The following DNASE1L1 variants were observed in gnomAD, a reference collection of about 807,000 sequenced individuals.
DNASE1L1 encodes the protein deoxyribonuclease 1 like 1.
Under a neutral mutation model 18.6 loss-of-function variants are expected in DNASE1L1, and 8 were observed. The observed-to-expected ratio is 0.43, with a 90% CI of 0.25 to 0.78. DNASE1L1 has a LOEUF of 0.78. Among genes scored for constraint, DNASE1L1 ranks in the 30% least tolerant of loss-of-function variants. The pLI is 0.23. For missense variants in DNASE1L1, 214 were observed against 258.2 expected, an observed-to-expected ratio of 0.83 and a Z score of 1.17; for synonymous variants, 114 against 114.2, an observed-to-expected ratio of 1.00 and a Z score of 0.01.
chrX:154,406,101 A>G (rs1264945570), intron 1 of DNASE1L1, among the ~76,000 whole-genome samples: 2 of 106,703 alleles, frequency 1.9e-5, no homozygotes, highest in Non-Finnish European at 3.9e-5. Context: ...CCTCCCGAGT[A>G]GCTGGGACTA....
At chrX:154,404,252 A>AC (rs1264259780) in intron 4 of DNASE1L1, among the ~76,000 whole-genome samples, 1 of 104,535 alleles carries the variant, frequency 9.6e-6, no homozygotes, top group Non-Finnish European at 1.9e-5. Context: ...TCTTGGGTTC[A>AC]AGTGATCCTG....
intron 5 of DNASE1L1, 50 bp downstream of exon 5, chrX:154,403,472 C>T (rs199858621): frequency 1.1e-4 from 126 of 1,194,052 alleles, no homozygotes; most frequent in Non-Finnish European, 1.3e-4. Context: ...TGGAGCCAGC[C>T]AGAACTCCCC....
chrX:154,402,917 C>T, intron 7 of DNASE1L1, 25 bp downstream of exon 7: 2 of 1,206,689 alleles, frequency 1.7e-6, no homozygotes, highest in Non-Finnish European at 2.2e-6. Flanking sequence ...TGCCCTCCCT[C>T]CTCATGCCAG....
chrX:154,410,413 T>TGTG (rs1273806850), upstream of DNASE1L1, among the ~76,000 whole-genome samples: 1 of 101,890 alleles, frequency 9.8e-6, no homozygotes, highest in African/African-American at 3.6e-5. Flanking sequence ...ATTAGCCAGG[T>TGTG]GTGGTGGCTT....
intron 1 of DNASE1L1, 86 bp downstream of exon 1, chrX:154,409,026 C>A: frequency 3.3e-6 from 1 of 301,674 alleles, no homozygotes; most frequent in African/African-American, 2.7e-5. Flanking sequence ...TTGGTGGGAG[C>A]CCTAGGCTTC....
upstream of DNASE1L1, chrX:154,411,833 G>A: frequency 3.4e-6 from 4 of 1,177,864 alleles, no homozygotes; most frequent in Non-Finnish European, 4.5e-6. Flanking sequence ...CCGGCCGCGG[G>A]CCGGGTGGGG....
intron 1 of DNASE1L1, among the ~76,000 whole-genome samples, chrX:154,407,925 C>T (rs1188226815): frequency 9.6e-6 from 1 of 104,671 alleles, no homozygotes. Flanking sequence ...GCTGCCACAC[C>T]AAGCTAATTT....
At chrX:154,406,886 G>A (rs2068165361) in intron 1 of DNASE1L1, among the ~76,000 whole-genome samples, 1 of 110,453 alleles carries the variant, frequency 9.1e-6, no homozygotes, top group Non-Finnish European at 1.9e-5. Context: ...GAGCCAGAGC[G>A]CCCAGCCCCT....
rs782325545 is a variant in DNASE1L1, at chrX:154,403,517, C to A, written c.412+5G>T. 2.7e-5 allele frequency: 33 copies of A among 1,208,581 alleles called. No homozygotes were observed. Among genetic ancestry groups the A allele is most frequent in the Non-Finnish European group, 3.6e-5 (32 of 893,481 alleles). On this transcript the variant is annotated splice_donor_5th_base_variant and intron_variant, in intron 5 of 7. Transcript: ENST00000369807. ...CACATACCAAGCCCACCCTTCCCTT[C>A]CTACCATTGCTGGGCAAAGAGAACT...
In DNASE1L1 at chrX:154,401,943, G is replaced by A. The variant is rs1242697210; in HGVS notation, c.*764C>T. The A allele has an allele frequency of 9.0e-6, 1 of 111,484 alleles. No homozygotes were observed. 9.2% of individuals were successfully genotyped at this position (111,484 alleles called of 1,213,427 possible). A position where few individuals can be genotyped will look rare whatever the true frequency, so the allele number is the denominator to read the frequency against. On this transcript the variant is annotated 3_prime_UTR_variant, in exon 8 of 8. Transcript: ENST00000369807. ...TTTGGAGAGGAGGATGGAAGGGAGG[G>A]GTCCGGCATGCTGCTGGCATTTTGC...
At position 154,403,137 on chromosome X, in the gene DNASE1L1, C is replaced by T; in HGVS notation, c.579G>A (p.Lys193=). The change falls in exon 7 of 8, where the codon AAG becomes AAA. Residue 193 remains lysine (K), a synonymous_variant. Transcript: ENST00000369807. ...TCCGCAGCTCCAGCTTGTCCAGGCG[C>T]TTTTTGGTCAGTGAAGCGCAGTCAG... ...FNADCASLTK[K]RLDKLELRTE... The T allele has an allele frequency of 8.3e-7, 1 of 1,211,813 alleles. No homozygotes were observed. The highest frequency in any genetic ancestry group is 1.1e-6 in the Non-Finnish European group (1 of 895,576).
upstream of DNASE1L1, among the ~76,000 whole-genome samples, chrX:154,411,191 C>T (rs2068274396): frequency 9.0e-6 from 1 of 111,251 alleles, no homozygotes; most frequent in Non-Finnish European, 1.9e-5. Context: ...CGGCTGTCAT[C>T]CCAACACTTT....
At chrX:154,406,259 C>T (rs2068148378) in intron 1 of DNASE1L1, among the ~76,000 whole-genome samples, 1 of 110,059 alleles carries the variant, frequency 9.1e-6, no homozygotes, top group Non-Finnish European at 1.9e-5. Context: ...CGTGAGCCAC[C>T]GCACCCGGCT....
chrX:154,404,147 C>CTTTTTTTTTTTTTTT (rs35330789), intron 4 of DNASE1L1, among the ~76,000 whole-genome samples: 3 of 65,312 alleles, frequency 4.6e-5, no homozygotes, highest in African/African-American at 6.7e-5. Context: ...TGATGTCATT[C>CTTTTTTTTTTTTTTT]TTTTTTTTTT....
chrX:154,405,239 ACT>A (rs2068126351), intron 2 of DNASE1L1, among the ~76,000 whole-genome samples, 156 bp from the exon 3 acceptor site: 1 of 112,148 alleles, frequency 8.9e-6, no homozygotes, highest in African/African-American at 3.2e-5. Context: ...CCAGGAAAAG[ACT>A]CATCCCACCC....
chrX:154,411,571 A>G (rs1557190368), upstream of DNASE1L1: 5 of 393,483 alleles, frequency 1.3e-5, no homozygotes, highest in Non-Finnish European at 2.3e-5. Context: ...CCGGGGTGCC[A>G]GCGCCCGCCT....
rs1557187011 is a variant in DNASE1L1, at chrX:154,402,657, T to C, written c.*50A>G. Reference sequence around the variant, plus strand: ...CCAGGGCTGGATGGACGGGGGAGGCTGGGGTTTAAGTCCCAAAAGGCAGCA... The same window carrying C: ...CCAGGGCTGGATGGACGGGGGAGGCCGGGGTTTAAGTCCCAAAAGGCAGCA... On this transcript the variant is annotated 3_prime_UTR_variant, in exon 8 of 8. Transcript: ENST00000369807. The C allele has an allele frequency of 4.3e-6, 5 of 1,152,568 alleles. No individual in the cohort carries two copies. The highest frequency in any genetic ancestry group is 5.8e-6 in the Non-Finnish European group (5 of 859,849). The allele number at this position is 1,152,568 out of a possible 1,213,427, so 95.0% of individuals were successfully genotyped here.
upstream of DNASE1L1, among the ~76,000 whole-genome samples, chrX:154,410,667 C>T (rs1473764729): frequency 9.2e-6 from 1 of 108,294 alleles, no homozygotes; most frequent in East Asian, 2.8e-4. Context: ...CTCAGGAGTT[C>T]GAGACCAACC....
chrX:154,404,791 G>A, intron 4 of DNASE1L1, 37 bp downstream of exon 4: 3 of 1,177,667 alleles, frequency 2.5e-6, no homozygotes, highest in Non-Finnish European at 3.4e-6. Flanking sequence ...GCCAAGGACC[G>A]CCCCCCACCC....
Sources: gnomAD v4.1 joint callset for allele counts (sites outside exome capture counted in the v4.1 genomes callset) on GRCh38, gnomAD v4.1.1 for gene constraint, MANE v1.5 for transcripts, NCBI Gene and HGNC (gene_info 2026-07-23, HGNC 2026-07-21) for gene names.